Variants in DENND2C observed in about 807,000 individuals in gnomAD.
DENND2C encodes the protein DENN domain-containing protein 2C.
In DENND2C, 72 loss-of-function variants were observed where a neutral mutation model predicts 112.4. The ratio of observed to expected loss-of-function variants is 0.64; its 90% CI spans 0.53 to 0.78. DENND2C has a LOEUF of 0.78. DENND2C is among the 30% of genes least tolerant of loss of function. DENND2C has a pLI of 0.00. For missense variants in DENND2C, 992 were observed against 1,113.8 expected, an observed-to-expected ratio of 0.89 and a Z score of 1.56; for synonymous variants, 329 against 381.6, an observed-to-expected ratio of 0.86 and a Z score of 1.61.
At chr1:114,645,221 G>C (rs927829646) in intron 3 of DENND2C, among the ~76,000 whole-genome samples, 2 of 152,088 alleles carry the variant, frequency 1.3e-5, no homozygotes, top group African/African-American at 2.4e-5. Context: ...ATATGTTGAA[G>C]TCCTAACCCC....
intron 16 of DENND2C, among the ~76,000 whole-genome samples, chr1:114,597,392 C>T (rs1041510528): frequency 3.3e-5 from 5 of 150,742 alleles, no homozygotes; most frequent in South Asian, 2.1e-4. Context: ...TGCAGTGAGC[C>T]GAGATCACAC....
intron 14 of DENND2C, 43 bp downstream of exon 14, chr1:114,600,777 G>A (rs766533013): frequency 6.3e-7 from 1 of 1,593,164 alleles, no homozygotes; most frequent in Non-Finnish European, 8.5e-7. Context: ...TGTAAGTCCT[G>A]CTTTTTAGTG....
At chr1:114,608,991 GA>G (rs1455193891) in intron 9 of DENND2C, 118 bp from the exon 10 acceptor site, 8 of 1,122,480 alleles carry the variant, frequency 7.1e-6, no homozygotes, top group Non-Finnish European at 1.0e-5. Context: ...AATGAATGTT[GA>G]ATAACCAGCA....
chr1:114,612,941 G>A (rs1043209093), intron 8 of DENND2C, among the ~76,000 whole-genome samples: 1 of 152,192 alleles, frequency 6.6e-6, no homozygotes, highest in Non-Finnish European at 1.5e-5. Context: ...AGTTACAGGT[G>A]TGAGCCACCA....
chr1:114,654,744 T>C lies in DENND2C; in HGVS notation c.-556A>G, dbSNP rs940318953. On this transcript the variant is annotated 5_prime_UTR_variant, in exon 2 of 21. Transcript: ENST00000393274. The stretch of plus-strand genomic sequence containing the variant: ...TAGCAAGTGGTTTAAGCAATACCGA[T>C]GTTTGTTTCTCTGCCACCTAAAAAA... 1.3e-5 allele frequency: 2 copies of C among 149,610 alleles called. No individual in the cohort carries two copies. The highest frequency in any genetic ancestry group is 5.0e-5 in the African/African-American group (2 of 40,386). The allele number at this position is 149,610 out of a possible 1,614,324, so 9.3% of individuals were successfully genotyped here.
At chr1:114,630,979 C>T (rs551488372) in intron 3 of DENND2C, among the ~76,000 whole-genome samples, 28 of 152,174 alleles carry the variant, frequency 1.8e-4, no homozygotes, top group African/African-American at 6.7e-4. Context: ...TTAGAGCCAC[C>T]CTAACAAGGA....
rs2101667586 is a variant in DENND2C at position 114,625,804 on chromosome 1, T to C, written c.181A>G (p.Asn61Asp). The C allele has an allele frequency of 1.2e-6, 2 of 1,614,164 alleles. No individual in the cohort carries two copies. The highest frequency in any genetic ancestry group is 8.5e-7 in the Non-Finnish European group (1 of 1,180,008). The change falls in exon 4 of 21, where the codon AAT becomes GAT. Residue 61 changes from asparagine (N) to aspartate (D), a missense_variant. Asn to Asp is a conservative substitution (Grantham distance 23). Coordinates refer to ENST00000393274, the MANE Select transcript of DENND2C (RefSeq NM_001256404.2). Reference protein sequence around the residue: ...NCHQEIRLKKNPIAERKSKNL... With the variant: ...NCHQEIRLKKDPIAERKSKNL... ...TTGCTCTTTCTCTCAGCTATAGGATTTTTCTTAAGACGGATCTCTTGGTGA... is the reference window on the plus strand; with the variant it reads ...TTGCTCTTTCTCTCAGCTATAGGATCTTTCTTAAGACGGATCTCTTGGTGA...
intron 2 of DENND2C, among the ~76,000 whole-genome samples, chr1:114,647,815 CT>C (rs891153287): frequency 3.5e-4 from 51 of 146,734 alleles, no homozygotes; most frequent in Admixed American, 4.8e-4. Flanking sequence ...ACTTTTAACT[CT>C]TTTTTTTTTT....
intron 3 of DENND2C, among the ~76,000 whole-genome samples, chr1:114,633,659 T>TA (rs1344034193): frequency 6.6e-6 from 1 of 151,666 alleles, no homozygotes; most frequent in African/African-American, 2.4e-5. Flanking sequence ...AATGGAATTC[T>TA]AAAAAAATAA....
At chr1:114,665,984 T>A (rs1351245325) in intron 1 of DENND2C, among the ~76,000 whole-genome samples, 1 of 152,212 alleles carries the variant, frequency 6.6e-6, no homozygotes, top group Non-Finnish European at 1.5e-5. Context: ...ACTTGAATGC[T>A]CCAAAGACAA....
At chr1:114,659,767 TCTTC>T (rs1000337036) in intron 1 of DENND2C, among the ~76,000 whole-genome samples, 2 of 113,514 alleles carry the variant, frequency 1.8e-5, no homozygotes, top group Admixed American at 1.0e-4. Context: ...CCTCCCTCCG[TCTTC>T]CTTCCTTCCT....
chr1:114,588,972 TTAAG>T (rs1191479495), intron 18 of DENND2C, among the ~76,000 whole-genome samples: 13 of 152,200 alleles, frequency 8.5e-5, no homozygotes, highest in African/African-American at 3.1e-4. Flanking sequence ...TTGTACTGTA[TTAAG>T]TGCTTCTACA....
chr1:114,668,066 T>C (rs1053353152), intron 1 of DENND2C, among the ~76,000 whole-genome samples: 12 of 152,242 alleles, frequency 7.9e-5, no homozygotes, highest in South Asian at 2.1e-4. Flanking sequence ...TGGAATCTCC[T>C]AGATGACAGG....
intron 17 of DENND2C, 82 bp downstream of exon 17, chr1:114,595,750 G>T: frequency 7.8e-7 from 1 of 1,274,180 alleles, no homozygotes; most frequent in Non-Finnish European, 1.1e-6. Flanking sequence ...TATTCTCTAA[G>T]TACTTTCACA....
At chr1:114,629,205 C>T (rs1252506883) in intron 3 of DENND2C, among the ~76,000 whole-genome samples, 1 of 152,208 alleles carries the variant, frequency 6.6e-6, no homozygotes, top group Non-Finnish European at 1.5e-5. Context: ...TGGACAATCT[C>T]AACAAAAGAA....
At chr1:114,604,859 C>T (rs1655613798) in intron 11 of DENND2C, 63 bp downstream of exon 11, 1 of 1,237,906 alleles carries the variant, frequency 8.1e-7, no homozygotes, top group Admixed American at 1.7e-5. Context: ...ACCCATTTCT[C>T]AAATACTCTG....
At chr1:114,654,208 G>C (rs562008061) in intron 2 of DENND2C, among the ~76,000 whole-genome samples, 1 of 152,132 alleles carries the variant, frequency 6.6e-6, no homozygotes, top group African/African-American at 2.4e-5. Context: ...TGAGGTGGGT[G>C]GATCACGAAG....
intron 11 of DENND2C, among the ~76,000 whole-genome samples, chr1:114,604,404 T>C (rs947029816): frequency 3.9e-5 from 6 of 152,242 alleles, no homozygotes; most frequent in Non-Finnish European, 7.3e-5. Flanking sequence ...TTCCTCTAGA[T>C]ACCTGGAAGA....
rs192314314 is a variant in DENND2C, at chr1:114,654,697, T to A, written c.-509A>T. ...GGTACTATATAAGATTAAGTTTTGG[T>A]ACATACAGCCGGAACTGGAAATAGC... On this transcript the variant is annotated 5_prime_UTR_variant, in exon 2 of 21. Transcript: ENST00000393274. The A allele has an allele frequency of 1.5e-3, 223 of 151,014 alleles. 1 individual carries two copies. Among genetic ancestry groups the A allele is most frequent in the African/African-American group, 5.1e-3 (209 of 41,078 alleles). The allele number at this position is 151,014 out of a possible 1,614,324, so 9.4% of individuals were successfully genotyped here.
Sources: allele counts gnomAD v4.1 joint callset (sites outside exome capture counted in the v4.1 genomes callset), GRCh38; gene constraint gnomAD v4.1.1; transcripts MANE v1.5; gene names NCBI Gene and HGNC (gene_info 2026-07-23, HGNC 2026-07-21).